The following EXOC6B variants were observed in gnomAD, a reference collection of about 807,000 sequenced individuals.
The protein encoded by EXOC6B is exocyst complex component 6B.
EXOC6B carries 54 observed loss-of-function variants against 113.5 expected under a neutral mutation model. That is an observed-to-expected ratio of 0.48 (90% confidence interval 0.38 to 0.60). The LOEUF is 0.60. EXOC6B is among the 20% of genes least tolerant of loss of function. The probability of loss-of-function intolerance (pLI) is 0.00; values close to 1 mark genes in which losing one functional copy is unlikely to be tolerated. For missense variants in EXOC6B, 797 were observed against 977.5 expected (o/e 0.82, Z 2.46); for synonymous variants, 357 against 339.0 (o/e 1.05, Z -0.58).
chr2:72,232,000 A>C (rs1681652612), intron 20 of EXOC6B, among the ~76,000 whole-genome samples: 1 of 152,024 alleles, frequency 6.6e-6, no homozygotes, highest in African/African-American at 2.4e-5. Flanking sequence ...TTTTTGAGAC[A>C]GTCTGGCTCT....
intron 1 of EXOC6B, among the ~76,000 whole-genome samples, chr2:72,809,853 A>G (rs887383481): frequency 2.2e-4 from 34 of 152,188 alleles, no homozygotes; most frequent in Non-Finnish European, 4.9e-4. Flanking sequence ...CTCTGTCTAG[A>G]CAGAAAATCA....
At chr2:72,631,393 G>A (rs1372571489) in intron 6 of EXOC6B, among the ~76,000 whole-genome samples, 1 of 140,182 alleles carries the variant, frequency 7.1e-6, no homozygotes, top group African/African-American at 2.7e-5. Flanking sequence ...GAGTGATATA[G>A]TAGTGTGTGT....
At chr2:72,571,183 A>C (rs1487451162) in intron 7 of EXOC6B, among the ~76,000 whole-genome samples, 2 of 151,764 alleles carry the variant, frequency 1.3e-5, no homozygotes, top group African/African-American at 4.9e-5. Context: ...ATATTTAGAG[A>C]AGAACATTAA....
chr2:72,665,181 G>A (rs1396316677), intron 6 of EXOC6B, among the ~76,000 whole-genome samples: 1 of 152,172 alleles, frequency 6.6e-6, no homozygotes, highest in Non-Finnish European at 1.5e-5. Flanking sequence ...TGAAACACAG[G>A]TGCAGTGCCA....
chr2:72,665,233 G>A (rs1039191970), intron 6 of EXOC6B, among the ~76,000 whole-genome samples: 14 of 152,174 alleles, frequency 9.2e-5, no homozygotes, highest in African/African-American at 3.1e-4. Flanking sequence ...AGTGGACCTG[G>A]TGAAAGAGTC....
intron 19 of EXOC6B, among the ~76,000 whole-genome samples, chr2:72,373,768 T>C (rs1165913930): frequency 6.6e-6 from 1 of 152,164 alleles, no homozygotes; most frequent in East Asian, 1.9e-4. Flanking sequence ...CAATAACAAA[T>C]GCTGGAAAGG....
chr2:72,823,004 G>A lies in EXOC6B; in HGVS notation c.113+2794C>T, dbSNP rs144893531. On this transcript the variant is annotated intron_variant, in intron 1 of 21. Coordinates refer to ENST00000272427, the MANE Select transcript of EXOC6B (RefSeq NM_015189.3). ...TCTGTGCATGCTGCTGCCTCTGAACGGGATAAGGAAAAAAGGTGAGATCAT... is the reference window on the plus strand; with the variant it reads ...TCTGTGCATGCTGCTGCCTCTGAACAGGATAAGGAAAAAAGGTGAGATCAT... 5.1e-3 allele frequency among the ~76,000 whole-genome samples: 768 copies of A among 151,954 alleles called. 4 individuals are homozygous for A. Among genetic ancestry groups the A allele is most frequent in the Non-Finnish European group, 5.7e-3 (389 of 67,960 alleles).
At chr2:72,789,886 T>C (rs1454045954) in intron 1 of EXOC6B, among the ~76,000 whole-genome samples, 1 of 152,168 alleles carries the variant, frequency 6.6e-6, no homozygotes, top group African/African-American at 2.4e-5. Context: ...GACACACTCA[T>C]AGCCTAACAC....
rs553751788 is a variant in EXOC6B, at chr2:72,679,170, G to A, written c.669+38933C>T. On this transcript the variant is annotated intron_variant, in intron 6 of 21. Coordinates refer to ENST00000272427, the MANE Select transcript of EXOC6B (RefSeq NM_015189.3). ...CAACCTCTACCTCCTGGGTTCAAGCGATTCTCCTGCCTCGGCTTCCCAAGT... is the reference window on the plus strand; with the variant it reads ...CAACCTCTACCTCCTGGGTTCAAGCAATTCTCCTGCCTCGGCTTCCCAAGT... Among the ~76,000 whole-genome samples the A allele has an allele frequency of 2.6e-5, 4 of 152,008 alleles. No individual in the cohort carries two copies. The South Asian group carries it at 8.3e-4, about 32-fold the overall frequency.
At chr2:72,509,060 G>A (rs1700760801) in intron 11 of EXOC6B, among the ~76,000 whole-genome samples, 2 of 152,230 alleles carry the variant, frequency 1.3e-5, no homozygotes, top group East Asian at 3.9e-4. Context: ...CCTTTGGGAG[G>A]TAATTAACAT....
intron 6 of EXOC6B, among the ~76,000 whole-genome samples, chr2:72,703,971 G>A (rs1678636755): frequency 6.6e-6 from 1 of 152,028 alleles, no homozygotes; most frequent in Non-Finnish European, 1.5e-5. Context: ...TTGAAACCAA[G>A]CGGACCTAAT....
intron 20 of EXOC6B, among the ~76,000 whole-genome samples, chr2:72,197,107 G>A (rs1205444087): frequency 6.6e-6 from 1 of 152,174 alleles, no homozygotes; most frequent in Non-Finnish European, 1.5e-5. Flanking sequence ...TGTATTCAAA[G>A]GAAGAAGAAA....
At chr2:72,815,127 T>C (rs1468967117) in intron 1 of EXOC6B, among the ~76,000 whole-genome samples, 1 of 152,146 alleles carries the variant, frequency 6.6e-6, no homozygotes, top group Non-Finnish European at 1.5e-5. Context: ...CCACTGTACA[T>C]ACTCGTCATG....
intron 1 of EXOC6B, among the ~76,000 whole-genome samples, chr2:72,816,402 AC>A (rs1212175023): frequency 6.6e-6 from 1 of 152,184 alleles, no homozygotes; most frequent in Non-Finnish European, 1.5e-5. Context: ...TAACTAAAAA[AC>A]TAAGCTGCAG....
chr2:72,765,295 A>T (rs1682993353), intron 1 of EXOC6B, among the ~76,000 whole-genome samples: 1 of 152,192 alleles, frequency 6.6e-6, no homozygotes, highest in South Asian at 2.1e-4. Flanking sequence ...TCAAAAAAAA[A>T]TTTAAAATAA....
Position 72,335,029 on chromosome 2 carries a change from A to G in EXOC6B, c.2123-9T>C. ...GCCGGATCTGGCAAACTCTGTGGGAAAGAAAAGAGGATAAAAAGCGCCTTT... is the reference window on the plus strand; with the variant it reads ...GCCGGATCTGGCAAACTCTGTGGGAGAGAAAAGAGGATAAAAAGCGCCTTT... On this transcript the variant is annotated splice_polypyrimidine_tract_variant and intron_variant, in intron 19 of 21. Coordinates refer to ENST00000272427, the MANE Select transcript of EXOC6B (RefSeq NM_015189.3). The G allele has an allele frequency of 1.9e-6, 3 of 1,612,970 alleles. No individual in the cohort carries two copies. Among genetic ancestry groups the G allele is most frequent in the Non-Finnish European group, 2.5e-6 (3 of 1,179,236 alleles).
At chr2:72,643,780 T>A (rs1462276053) in intron 6 of EXOC6B, among the ~76,000 whole-genome samples, 6 of 139,622 alleles carry the variant, frequency 4.3e-5, no homozygotes, top group South Asian at 2.2e-4. Flanking sequence ...AAAATAAATT[T>A]AAAAAAAAAG....
chr2:72,722,552 C>T (rs772394362), intron 5 of EXOC6B, among the ~76,000 whole-genome samples: 17 of 152,004 alleles, frequency 1.1e-4, no homozygotes, highest in Non-Finnish European at 2.2e-4. Flanking sequence ...AAGTTTTATT[C>T]CCCCTAAATT....
intron 8 of EXOC6B, among the ~76,000 whole-genome samples, chr2:72,536,729 A>G (rs1702311321): frequency 1.3e-5 from 2 of 152,228 alleles, no homozygotes; most frequent in East Asian, 1.9e-4. Context: ...GGCCATCACA[A>G]TGTGGCCTCA....
Sources: allele counts gnomAD v4.1 joint callset (sites outside exome capture counted in the v4.1 genomes callset), GRCh38; gene constraint gnomAD v4.1.1; transcripts MANE v1.5; gene names NCBI Gene and HGNC (gene_info 2026-07-23, HGNC 2026-07-21).